The following STXBP5L variants were observed in gnomAD, a reference collection of about 807,000 sequenced individuals.
STXBP5L encodes the protein syntaxin-binding protein 5-like.
A neutral mutation model predicts 144.5 loss-of-function variants in STXBP5L; 65 were observed. The ratio of observed to expected loss-of-function variants is 0.45; its 90% CI spans 0.37 to 0.55. The LOEUF (loss-of-function observed/expected upper bound fraction) is 0.55, where lower values mean the gene tolerates loss of function less well. Among genes scored for constraint, STXBP5L ranks in the 20% least tolerant of loss-of-function variants. The pLI is 0.00. For missense variants in STXBP5L, 1,298 were observed against 1,405.5 expected (o/e 0.92, Z 1.22); for synonymous variants, 505 against 469.6 (o/e 1.08, Z -0.97).
intron 20 of STXBP5L, among the ~76,000 whole-genome samples, chr3:121,318,983 A>G (rs936647413): frequency 6.6e-6 from 1 of 152,168 alleles, no homozygotes; most frequent in African/African-American, 2.4e-5. Flanking sequence ...AAAAATGATG[A>G]TAGAATATGA....
chr3:121,325,690 TCAA>T (rs1331102416), intron 20 of STXBP5L, among the ~76,000 whole-genome samples: 2 of 152,014 alleles, frequency 1.3e-5, no homozygotes, highest in Admixed American at 1.3e-4. Flanking sequence ...AGTTCATAAA[TCAA>T]CAACATTATC....
chr3:121,019,270 C>A (rs1251124570), intron 3 of STXBP5L, among the ~76,000 whole-genome samples: 1 of 152,170 alleles, frequency 6.6e-6, no homozygotes, highest in African/African-American at 2.4e-5. Context: ...TGCCCCTCAA[C>A]TGATGGTCTT....
intron 19 of STXBP5L, among the ~76,000 whole-genome samples, chr3:121,315,893 T>G (rs2043768574): frequency 6.6e-6 from 1 of 151,758 alleles, no homozygotes; most frequent in Non-Finnish European, 1.5e-5. Flanking sequence ...TCCCAGCTAC[T>G]TGAGAGGCTG....
chr3:121,154,218 TTATC>T (rs1457905479), intron 8 of STXBP5L, among the ~76,000 whole-genome samples: 1 of 151,856 alleles, frequency 6.6e-6, no homozygotes, highest in African/African-American at 2.4e-5. Flanking sequence ...TATATCATCT[TTATC>T]TACTTTAATG....
At chr3:121,144,406 A>T (rs2045637001) in intron 7 of STXBP5L, among the ~76,000 whole-genome samples, 1 of 151,888 alleles carries the variant, frequency 6.6e-6, no homozygotes, top group Admixed American at 6.6e-5. Flanking sequence ...TCATTAGAGA[A>T]ACGCAAATCA....
At chr3:121,092,253 G>T (rs1173096757) in intron 5 of STXBP5L, among the ~76,000 whole-genome samples, 2 of 151,734 alleles carry the variant, frequency 1.3e-5, no homozygotes, top group Non-Finnish European at 2.9e-5. Flanking sequence ...TGGCAATGCG[G>T]GCTCTTTCTT....
intron 5 of STXBP5L, 109 bp from the exon 6 acceptor site, chr3:121,114,816 G>C (rs905731106): frequency 1.6e-6 from 1 of 638,542 alleles, no homozygotes; most frequent in African/African-American, 1.9e-5. Context: ...TGAGTATATA[G>C]TACATTTTAT....
At chr3:121,362,331 G>A (rs1309386397) in intron 20 of STXBP5L, among the ~76,000 whole-genome samples, 4 of 152,170 alleles carry the variant, frequency 2.6e-5, no homozygotes, top group Non-Finnish European at 4.4e-5. Flanking sequence ...TCTATGATCT[G>A]CAAGTAGCAA....
intron 14 of STXBP5L, among the ~76,000 whole-genome samples, chr3:121,248,210 T>C (rs2049917884): frequency 6.6e-6 from 1 of 152,148 alleles, no homozygotes. Flanking sequence ...ATTATAGGCA[T>C]GTGCCACCAT....
intron 2 of STXBP5L, among the ~76,000 whole-genome samples, chr3:120,939,782 A>G (rs1244535649): frequency 6.6e-6 from 1 of 152,196 alleles, no homozygotes; most frequent in Non-Finnish European, 1.5e-5. Flanking sequence ...AAGTGTCTAT[A>G]GGTATTTAAT....
chr3:120,982,017 A>T (rs1391219720), intron 3 of STXBP5L, among the ~76,000 whole-genome samples: 1 of 152,180 alleles, frequency 6.6e-6, no homozygotes, highest in Non-Finnish European at 1.5e-5. Context: ...GTATTTGAGC[A>T]GGCTAATTGC....
At chr3:120,966,535 G>A (rs1190318280) in intron 3 of STXBP5L, among the ~76,000 whole-genome samples, 1 of 152,134 alleles carries the variant, frequency 6.6e-6, no homozygotes, top group Non-Finnish European at 1.5e-5. Context: ...CTAACAGTCA[G>A]GTCCCTCAAC....
chr3:121,208,017 T>G (rs1215677232), intron 10 of STXBP5L, among the ~76,000 whole-genome samples: 1 of 152,122 alleles, frequency 6.6e-6, no homozygotes, highest in Non-Finnish European at 1.5e-5. Context: ...CATGCTGCTA[T>G]AAAGACACAT....
chr3:121,368,418 C>A (rs927462457), intron 20 of STXBP5L, among the ~76,000 whole-genome samples: 3 of 151,882 alleles, frequency 2.0e-5, no homozygotes, highest in Non-Finnish European at 4.4e-5. Context: ...GTTCTTTAAG[C>A]ATCATTAAGA....
chr3:120,951,917 A>T (rs1271689322), intron 2 of STXBP5L, among the ~76,000 whole-genome samples: 1 of 152,000 alleles, frequency 6.6e-6, no homozygotes, highest in Admixed American at 6.6e-5. Context: ...AATGTCCAAC[A>T]ATGATAGACT....
At chr3:121,029,033 C>A (rs1946170950) in intron 3 of STXBP5L, among the ~76,000 whole-genome samples, 1 of 152,156 alleles carries the variant, frequency 6.6e-6, no homozygotes, top group Non-Finnish European at 1.5e-5. Context: ...TAAGAGAGGA[C>A]ACAAACAAAT....
At chr3:121,356,275 G>C (rs140483431) in intron 20 of STXBP5L, among the ~76,000 whole-genome samples, 56 of 152,370 alleles carry the variant, frequency 3.7e-4, no homozygotes, top group African/African-American at 1.3e-3. Flanking sequence ...GCTGCCTTTT[G>C]TTCAGCTAAG....
At chr3:121,405,522 C>T (rs116711573) in intron 22 of STXBP5L, among the ~76,000 whole-genome samples, 2,428 of 152,126 alleles carry the variant, frequency 0.016, 35 homozygotes, top group Non-Finnish European at 0.028. Flanking sequence ...AGGTTGTAGT[C>T]GGCAAGGCTG....
intron 5 of STXBP5L, among the ~76,000 whole-genome samples, chr3:121,083,767 T>A (rs993903380): frequency 6.6e-6 from 1 of 152,204 alleles, no homozygotes. Flanking sequence ...TTGGAAATTA[T>A]AAATTCAATT....
Sources: allele counts gnomAD v4.1 joint callset (sites outside exome capture counted in the v4.1 genomes callset), GRCh38; gene constraint gnomAD v4.1.1; transcripts MANE v1.5; gene names NCBI Gene and HGNC (gene_info 2026-07-23, HGNC 2026-07-21).